RANBP2: variants seen among roughly 807,000 people sequenced by gnomAD.
The protein encoded by RANBP2 is RAN binding protein 2.
A neutral mutation model predicts 303.6 loss-of-function variants in RANBP2; 57 were observed. That is an observed-to-expected ratio of 0.19 (90% confidence interval 0.15 to 0.23). The LOEUF is 0.23. Among genes scored for constraint, RANBP2 ranks in the 10% least tolerant of loss-of-function variants. RANBP2 has a pLI of 1.00. For synonymous variants in RANBP2, 1,167 were observed against 1,301.5 expected (o/e 0.90, Z 2.23); for missense variants, 3,138 against 3,780.8 (o/e 0.83, Z 4.46).
the RANBP2 span, chr2:108,885,171 A>G: frequency 6.6e-6 from 1 of 152,106 alleles, no homozygotes; most frequent in East Asian, 1.9e-4. Flanking sequence ...CCCGCCCCCA[A>G]TGCTGGACTT....
At chr2:109,215,125 G>A in the RANBP2 span, among the ~76,000 whole-genome samples, 62 of 152,198 alleles carry the variant, frequency 4.1e-4, 1 homozygote, top group Admixed American at 2.6e-4. Flanking sequence ...ACAATTGACC[G>A]TGTTAAGCAT....
the RANBP2 span, among the ~76,000 whole-genome samples, chr2:108,860,220 T>C: frequency 6.6e-6 from 1 of 152,186 alleles, no homozygotes; most frequent in Non-Finnish European, 1.5e-5. Context: ...ACTGAAGTCA[T>C]GTTTCAGGTC....
chr2:108,741,857 G>A (rs1287361800), intron 7 of RANBP2, among the ~76,000 whole-genome samples: 1 of 142,994 alleles, frequency 7.0e-6, no homozygotes, highest in Non-Finnish European at 1.5e-5. Context: ...ACTTTTGAAA[G>A]GAAAAGAAAT....
chr2:109,130,477 C>G, the RANBP2 span, among the ~76,000 whole-genome samples: 2 of 152,212 alleles, frequency 1.3e-5, no homozygotes, highest in African/African-American at 2.4e-5. Flanking sequence ...TCTGCACACC[C>G]TGGGCCTGCC....
At chr2:109,466,799 A>G in the RANBP2 span, among the ~76,000 whole-genome samples, 3 of 151,692 alleles carry the variant, frequency 2.0e-5, no homozygotes, top group Admixed American at 1.3e-4. Context: ...GTGTGTATCT[A>G]TATGTGTGTA....
chr2:108,983,995 C>T, the RANBP2 span, among the ~76,000 whole-genome samples: 13 of 152,198 alleles, frequency 8.5e-5, no homozygotes, highest in South Asian at 2.1e-4. Flanking sequence ...AGGGGGGCGA[C>T]GGCGATGTCT....
At chr2:108,802,994 A>C in the RANBP2 span, among the ~76,000 whole-genome samples, 3 of 152,218 alleles carry the variant, frequency 2.0e-5, no homozygotes, top group South Asian at 6.2e-4. Flanking sequence ...TTTGCTTTCA[A>C]AGCCTTTGCA....
chr2:109,226,422 T>A, the RANBP2 span, among the ~76,000 whole-genome samples: 2 of 152,320 alleles, frequency 1.3e-5, no homozygotes, highest in African/African-American at 4.8e-5. Context: ...ATGTGAGGTC[T>A]AATGACACAC....
chr2:109,018,342 C>T, the RANBP2 span, among the ~76,000 whole-genome samples: 4 of 152,202 alleles, frequency 2.6e-5, no homozygotes, highest in African/African-American at 9.7e-5. Context: ...GTCTCATTGC[C>T]TTGTCTGGTA....
chr2:109,372,561 A>G, the RANBP2 span, among the ~76,000 whole-genome samples: 2 of 152,220 alleles, frequency 1.3e-5, no homozygotes, highest in African/African-American at 4.8e-5. Flanking sequence ...TATGAAAACC[A>G]TGAATGGCCC....
At chr2:109,534,481 T>C in the RANBP2 span, among the ~76,000 whole-genome samples, 1 of 152,184 alleles carries the variant, frequency 6.6e-6, no homozygotes, top group African/African-American at 2.4e-5. Flanking sequence ...GCCAATGCTA[T>C]TGAAATGTTT....
the RANBP2 span, among the ~76,000 whole-genome samples, chr2:109,580,505 A>C: frequency 1.3e-5 from 2 of 152,188 alleles, no homozygotes; most frequent in African/African-American, 4.8e-5. Context: ...AGCATGGTAC[A>C]TGGTAAAAAA....
chr2:109,760,245 C>T, the RANBP2 span: 1 of 148,828 alleles, frequency 6.7e-6, no homozygotes, highest in African/African-American at 2.5e-5. Flanking sequence ...CCCAGGAACA[C>T]TCATTCCCAG....
the RANBP2 span, among the ~76,000 whole-genome samples, chr2:109,623,771 A>G: frequency 6.6e-6 from 1 of 152,216 alleles, no homozygotes; most frequent in African/African-American, 2.4e-5. Flanking sequence ...TGATGCCTTT[A>G]TCAAGAAGGT....
At chr2:109,611,564 C>A in the RANBP2 span, among the ~76,000 whole-genome samples, 1 of 151,312 alleles carries the variant, frequency 6.6e-6, no homozygotes, top group Non-Finnish European at 1.5e-5. Context: ...TTGAGACCAG[C>A]CTGGGCAACA....
chr2:109,187,001 GA>G, the RANBP2 span, among the ~76,000 whole-genome samples: 1 of 149,892 alleles, frequency 6.7e-6, no homozygotes, highest in African/African-American at 2.4e-5. Flanking sequence ...TCGTCTCCCA[GA>G]GGCGGAGCTG....
downstream of RANBP2, chr2:108,786,814 C>T: frequency 6.3e-7 from 1 of 1,584,982 alleles, no homozygotes; most frequent in Non-Finnish European, 8.6e-7. Context: ...GGTACGGTTG[C>T]TGTGTGCTAT....
At chr2:109,467,143 A>G in the RANBP2 span, among the ~76,000 whole-genome samples, 1 of 152,242 alleles carries the variant, frequency 6.6e-6, no homozygotes, top group Non-Finnish European at 1.5e-5. Context: ...TTCCACTCCT[A>G]GGAGAAGCAG....
At chr2:109,026,728 T>G in the RANBP2 span, among the ~76,000 whole-genome samples, 1 of 152,212 alleles carries the variant, frequency 6.6e-6, no homozygotes, top group Admixed American at 6.5e-5. Flanking sequence ...CTCTCAGTCT[T>G]ATTTCCACAC....
Sources: allele counts gnomAD v4.1 joint callset (sites outside exome capture counted in the v4.1 genomes callset), GRCh38; gene constraint gnomAD v4.1.1; transcripts MANE v1.5; gene names NCBI Gene and HGNC (gene_info 2026-07-23, HGNC 2026-07-21).